The following RGS22 variants were observed in gnomAD, a reference collection of about 807,000 sequenced individuals.
RGS22 encodes regulator of G protein signaling 22.
A neutral mutation model predicts 172.9 loss-of-function variants in RGS22; 148 were observed. The ratio of observed to expected loss-of-function variants is 0.86; its 90% CI spans 0.75 to 0.98. The LOEUF (loss-of-function observed/expected upper bound fraction) is 0.98. RGS22 is among the 50% of genes least tolerant of loss of function. The pLI, the probability that RGS22 is intolerant of heterozygous loss-of-function variation, is 0.00. For synonymous variants in RGS22, 458 were observed against 480.2 expected (o/e 0.95, Z 0.60); for missense variants, 1,347 against 1,440.8 (o/e 0.93, Z 1.05).
intron 20 of RGS22, among the ~76,000 whole-genome samples, chr8:99,990,525 G>A (rs1036523664): frequency 3.9e-5 from 6 of 152,160 alleles, no homozygotes; most frequent in South Asian, 4.1e-4. Context: ...GGCATGCAAC[G>A]TGGGGGCTCT....
chr8:100,041,690 G>A (rs1820141333), intron 12 of RGS22, 112 bp downstream of exon 12: 1 of 599,962 alleles, frequency 1.7e-6, no homozygotes, highest in African/African-American at 1.9e-5. Context: ...AATCAAATGT[G>A]TTGCTTAGTA....
intron 11 of RGS22, 121 bp downstream of exon 11, chr8:100,047,342 A>G (rs1820831661): frequency 1.2e-6 from 1 of 855,224 alleles, no homozygotes; most frequent in African/African-American, 1.7e-5. Flanking sequence ...CATATCATTG[A>G]AAATTAAGAA....
Position 99,982,065 on chromosome 8 carries a change from T to C in RGS22, c.3232A>G (p.Thr1078Ala), listed in dbSNP as rs1812611624. ...GAATTAATAAAGCAGTTGATAATAG[T>C]TGTAATCTTCTTCTGGATGACAGAC... The part of the protein sequence containing the change: ...DESVIQKKIT[T>A]IINCFINSSI... The change falls in exon 22 of 28, where the codon ACT (threonine) becomes GCT (alanine). Residue 1078 changes from threonine to alanine, a missense_variant. Physicochemically the swap from Thr to Ala is moderately conservative, Grantham distance 58. Transcript: ENST00000360863. The C allele has an allele frequency of 1.2e-6, 2 of 1,613,898 alleles. No individual in the cohort carries two copies. Among genetic ancestry groups the C allele is most frequent in the South Asian group, 1.1e-5 (1 of 91,050 alleles).
intron 23 of RGS22, among the ~76,000 whole-genome samples, chr8:99,969,582 T>C (rs1365340433): frequency 6.6e-6 from 1 of 150,924 alleles, no homozygotes; most frequent in Non-Finnish European, 1.5e-5. Flanking sequence ...GTTGCAATTC[T>C]AGTCTCTGAT....
intron 4 of RGS22, among the ~76,000 whole-genome samples, chr8:100,079,539 T>G (rs1811593795): frequency 6.6e-6 from 1 of 152,202 alleles, no homozygotes; most frequent in Non-Finnish European, 1.5e-5. Flanking sequence ...CATTATTATT[T>G]TCATTTCATC....
At chr8:100,031,797 T>C (rs952848141) in intron 14 of RGS22, among the ~76,000 whole-genome samples, 63 of 151,912 alleles carry the variant, frequency 4.1e-4, no homozygotes, top group African/African-American at 1.4e-3. Flanking sequence ...AAGTATGTAA[T>C]GTCAAAAAAA....
chr8:99,970,101 T>C (rs1156711888), intron 23 of RGS22, among the ~76,000 whole-genome samples: 1 of 152,146 alleles, frequency 6.6e-6, no homozygotes, highest in African/African-American at 2.4e-5. Context: ...CACAACTATA[T>C]GGAAACTGAA....
At chr8:100,081,151 C>CT (rs1330320087) in intron 3 of RGS22, among the ~76,000 whole-genome samples, 3 of 152,096 alleles carry the variant, frequency 2.0e-5, no homozygotes, top group African/African-American at 7.2e-5. Context: ...CTTCAGTGAA[C>CT]TGACTACTCA....
At chr8:99,985,879 T>C (rs1813040303) in intron 21 of RGS22, among the ~76,000 whole-genome samples, 1 of 152,168 alleles carries the variant, frequency 6.6e-6, no homozygotes, top group African/African-American at 2.4e-5. Flanking sequence ...TTGTTCATAT[T>C]CATATTAGCT....
At chr8:100,028,078 G>T (rs1411979425) in intron 14 of RGS22, among the ~76,000 whole-genome samples, 1 of 151,866 alleles carries the variant, frequency 6.6e-6, no homozygotes, top group African/African-American at 2.4e-5. Context: ...TAGATGTGGG[G>T]GGTCTTAGTG....
intron 3 of RGS22, 102 bp downstream of exon 3, chr8:100,093,345 A>T (rs963896682): frequency 2.9e-5 from 19 of 648,062 alleles, no homozygotes; most frequent in African/African-American, 2.3e-4. Context: ...ATATTTTTTT[A>T]AAAAGCATTA....
intron 23 of RGS22, among the ~76,000 whole-genome samples, chr8:99,975,439 G>T (rs1811823006): frequency 2.6e-5 from 4 of 151,902 alleles, no homozygotes; most frequent in Admixed American, 2.6e-4. Context: ...TCAATTTCCT[G>T]TGTAGCTGGC....
intron 16 of RGS22, among the ~76,000 whole-genome samples, chr8:100,005,079 G>A (rs1282942709): frequency 6.6e-6 from 1 of 151,902 alleles, no homozygotes; most frequent in Non-Finnish European, 1.5e-5. Flanking sequence ...GTATTATAAA[G>A]TTTAGTTCAT....
At chr8:100,053,297 C>T (rs1440992378) in intron 9 of RGS22, among the ~76,000 whole-genome samples, 1 of 152,160 alleles carries the variant, frequency 6.6e-6, no homozygotes, top group South Asian at 2.1e-4. Context: ...TGATGGGCGC[C>T]TGTAACCCCA....
At chr8:100,087,599 A>G (rs1260150838) in intron 3 of RGS22, among the ~76,000 whole-genome samples, 5 of 152,150 alleles carry the variant, frequency 3.3e-5, no homozygotes, top group Non-Finnish European at 7.4e-5. Flanking sequence ...ATTTAGCTGA[A>G]CAGTATTTAA....
chr8:100,038,968 T>C lies in RGS22; in HGVS notation c.2129A>G (p.Glu710Gly). 6.2e-7 allele frequency: 1 copy of C among 1,612,666 alleles called. No homozygotes were observed. Residue 710 changes from glutamate to glycine, a missense_variant, in exon 14 of 28, where the codon GAA becomes GGA. Coordinates refer to ENST00000360863, the MANE Select transcript of RGS22 (RefSeq NM_015668.5). The part of the protein sequence containing the change: ...LQAYHQLFYQ[E>G]TLQPFKVCKQ... ...GCATACTTTAAAAGGCTGAAGTGTT[T>C]CTTGGTAGAAAAGCTGATGATAAGC...
chr8:99,981,708 A>ATTTACTTTT (rs1812562974), intron 22 of RGS22, among the ~76,000 whole-genome samples: 1 of 140,956 alleles, frequency 7.1e-6, no homozygotes, highest in Non-Finnish European at 1.6e-5. Context: ...TTTAATTTTT[A>ATTTACTTTT]TTTACTTTTT....
intron 23 of RGS22, 49 bp from the exon 24 acceptor site, chr8:99,965,479 T>A (rs1375699802): frequency 1.5e-6 from 2 of 1,327,328 alleles, no homozygotes; most frequent in African/African-American, 2.9e-5. Context: ...TAATGATATG[T>A]TAATATAAAC....
intron 12 of RGS22, among the ~76,000 whole-genome samples, chr8:100,041,139 C>G (rs1164578948): frequency 6.6e-6 from 1 of 152,136 alleles, no homozygotes; most frequent in Non-Finnish European, 1.5e-5. Flanking sequence ...AGAACTAGTG[C>G]ATTAAATCCA....
Sources: gnomAD v4.1 joint callset for allele counts (sites outside exome capture counted in the v4.1 genomes callset) on GRCh38, gnomAD v4.1.1 for gene constraint, MANE v1.5 for transcripts, NCBI Gene and HGNC (gene_info 2026-07-23, HGNC 2026-07-21) for gene names.